DGCR2: variants seen among roughly 807,000 people sequenced by gnomAD.
The protein encoded by DGCR2 is DiGeorge syndrome critical region gene 2, also known as integral membrane protein DGCR2/IDD.
DGCR2 carries 24 observed loss-of-function variants against 51.6 expected under a neutral mutation model. The ratio of observed to expected loss-of-function variants is 0.47; its 90% CI spans 0.34 to 0.65. The LOEUF (loss-of-function observed/expected upper bound fraction) is 0.65. DGCR2 is among the 30% of genes least tolerant of loss of function. The pLI is 0.01. For synonymous variants in DGCR2, 340 were observed against 315.4 expected (o/e 1.08, Z -0.82); for missense variants, 765 against 772.1 (o/e 0.99, Z 0.11).
rs377591178 is a variant in DGCR2, at chr22:19,082,848, G to A, written c.202+6520C>T. ...ATGCCCCCGTAATCCAGGCACTCTG[G>A]GAAGCCGAAGCAGGCAGACTGCTTA... On this transcript the variant is annotated intron_variant, in intron 2 of 9. Transcript: ENST00000263196. Among the ~76,000 whole-genome samples, 34 of 152,286 alleles carry A rather than the reference G, an allele frequency of 2.2e-4. No homozygotes were observed. The East Asian group carries it at 6.0e-3, about 27-fold the overall frequency.
At chr22:19,102,423 C>T (rs1414006857) in intron 1 of DGCR2, among the ~76,000 whole-genome samples, 2 of 152,148 alleles carry the variant, frequency 1.3e-5, no homozygotes, top group Non-Finnish European at 2.9e-5. Flanking sequence ...TAAAATGGGG[C>T]CGGGCGTGGT....
At chr22:19,120,162 C>T (rs1196743608) in intron 1 of DGCR2, among the ~76,000 whole-genome samples, 1 of 152,206 alleles carries the variant, frequency 6.6e-6, no homozygotes, top group Non-Finnish European at 1.5e-5. Context: ...CTGCAGCTCC[C>T]GGGTTCTGCA....
At chr22:19,052,705 T>A (rs1451947790) in intron 6 of DGCR2, among the ~76,000 whole-genome samples, 1 of 151,562 alleles carries the variant, frequency 6.6e-6, no homozygotes, top group Non-Finnish European at 1.5e-5. Flanking sequence ...CACCTGAGCC[T>A]GGGAGGTTGA....
chr22:19,038,902 C>A lies in DGCR2; in HGVS notation c.1616G>T (p.Gly539Val). 1 of 1,612,766 alleles carries A rather than the reference C, an allele frequency of 6.2e-7. No individual in the cohort carries two copies. The highest frequency in any genetic ancestry group is 8.5e-7 in the Non-Finnish European group (1 of 1,179,866). Residue 539 changes from glycine (G) to valine (V), a missense_variant, in exon 10 of 10, where the codon GGC becomes GTC. By Grantham distance (109) the Gly-to-Val change is moderately radical. Transcript: ENST00000263196. ...TPAAEALPGG[G>V]RHSRSSLNTV... ...ATTGAGGGAGCTGCGGCTGTGGCGG[C>A]CACCCCCTGGCAGTGCCTCTGCAGC... is the stretch of plus-strand genomic sequence containing the variant.
chr22:19,038,677 G>A lies in DGCR2; in HGVS notation c.*188C>T, dbSNP rs558980702. On this transcript the variant is annotated 3_prime_UTR_variant, in exon 10 of 10. Coordinates refer to ENST00000263196, the MANE Select transcript of DGCR2 (RefSeq NM_005137.3). ...GTTTCTGAAGCCCTCAAGGAAGCTC[G>A]GTGCAGGCCATCACTTCTTTTGGCA... is the stretch of plus-strand genomic sequence containing the variant. 37 of 704,168 alleles carry A rather than the reference G, an allele frequency of 5.3e-5. No homozygotes were observed. The highest frequency in any genetic ancestry group is 1.7e-4 in the East Asian group (6 of 35,720). The allele number at this position is 704,168 out of a possible 1,614,324, so 43.6% of individuals were successfully genotyped here.
intron 2 of DGCR2, among the ~76,000 whole-genome samples, chr22:19,085,786 C>T (rs879449561): frequency 1.3e-5 from 2 of 152,084 alleles, no homozygotes; most frequent in African/African-American, 4.8e-5. Context: ...AATGAAGTAA[C>T]CCCATAAGGT....
At position 19,038,852 on chromosome 22, in the gene DGCR2, C is replaced by G. The variant is rs577739715; in HGVS notation, c.*13G>C. On this transcript the variant is annotated 3_prime_UTR_variant, in exon 10 of 10. Coordinates refer to ENST00000263196, the MANE Select transcript of DGCR2 (RefSeq NM_005137.3). Reference sequence around the variant, plus strand: ...CAGGTGCTCCCAGACCGTTGGGGTACAGGCCAGGCCGTCTACACCACAGTA... The same window carrying G: ...CAGGTGCTCCCAGACCGTTGGGGTAGAGGCCAGGCCGTCTACACCACAGTA... 1 of 1,609,524 alleles carries G rather than the reference C, an allele frequency of 6.2e-7. No homozygotes were observed. Among genetic ancestry groups the G allele is most frequent in the African/African-American group, 1.3e-5 (1 of 74,990 alleles).
At chr22:19,050,006 A>ACATAAGTACACC (rs1489779263) in intron 6 of DGCR2, among the ~76,000 whole-genome samples, 2 of 152,206 alleles carry the variant, frequency 1.3e-5, no homozygotes, top group African/African-American at 4.8e-5. Context: ...AACATATGTG[A>ACATAAGTACACC]AACAGGAGTA....
At chr22:19,116,716 G>A (rs952973171) in intron 1 of DGCR2, among the ~76,000 whole-genome samples, 2 of 152,134 alleles carry the variant, frequency 1.3e-5, no homozygotes, top group Admixed American at 6.5e-5. Context: ...ATTCCACTTA[G>A]AGTCAAGAAA....
At chr22:19,083,515 G>A (rs1351498383) in intron 2 of DGCR2, among the ~76,000 whole-genome samples, 2 of 152,152 alleles carry the variant, frequency 1.3e-5, no homozygotes, top group South Asian at 4.1e-4. Context: ...TGAATCCACA[G>A]AACAATATGA....
At chr22:19,044,581 G>A (rs768542066) in intron 7 of DGCR2, among the ~76,000 whole-genome samples, 1 of 152,180 alleles carries the variant, frequency 6.6e-6, no homozygotes, top group East Asian at 1.9e-4. Context: ...AGGGCTGCCC[G>A]ACAGCAGCAG....
chr22:19,121,192 G>T (rs189316434), intron 1 of DGCR2, among the ~76,000 whole-genome samples: 98 of 152,296 alleles, frequency 6.4e-4, no homozygotes, highest in African/African-American at 2.2e-3. Flanking sequence ...CCTCCATTAA[G>T]AAATATTAAG....
intron 1 of DGCR2, among the ~76,000 whole-genome samples, chr22:19,114,526 C>T (rs2083353476): frequency 6.6e-6 from 1 of 152,240 alleles, no homozygotes; most frequent in Non-Finnish European, 1.5e-5. Context: ...TCCTCTTATT[C>T]TAAGACCATA....
intron 1 of DGCR2, among the ~76,000 whole-genome samples, chr22:19,118,427 G>C (rs989935710): frequency 3.3e-5 from 5 of 150,030 alleles, no homozygotes; most frequent in African/African-American, 1.2e-4. Context: ...CCAAGGTGCT[G>C]TGTTCACTTC....
intron 7 of DGCR2, among the ~76,000 whole-genome samples, chr22:19,043,284 C>G (rs182743003): frequency 2.0e-5 from 3 of 152,228 alleles, no homozygotes; most frequent in Non-Finnish European, 4.4e-5. Flanking sequence ...TCCAGGACAG[C>G]CCCCAACACA....
intron 5 of DGCR2, among the ~76,000 whole-genome samples, chr22:19,058,137 A>G (rs1209263116): frequency 6.6e-6 from 1 of 152,170 alleles, no homozygotes; most frequent in Non-Finnish European, 1.5e-5. Flanking sequence ...CCCAGCACGA[A>G]ACATGGGGCT....
chr22:19,052,410 T>A (rs1171333165), intron 6 of DGCR2, among the ~76,000 whole-genome samples: 1 of 120,300 alleles, frequency 8.3e-6, no homozygotes, highest in African/African-American at 3.4e-5. Context: ...AGAAAGACTC[T>A]GTCTCACACA....
At chr22:19,114,132 T>C (rs1601314848) in intron 1 of DGCR2, among the ~76,000 whole-genome samples, 1 of 138,454 alleles carries the variant, frequency 7.2e-6, no homozygotes, top group Non-Finnish European at 1.5e-5. Flanking sequence ...ACCTTTCCTC[T>C]CCATCTTTTG....
chr22:19,052,444 GA>G (rs1277017982), intron 6 of DGCR2, among the ~76,000 whole-genome samples: 9 of 67,238 alleles, frequency 1.3e-4, no homozygotes, highest in African/African-American at 2.3e-4. Context: ...ACACACAAAA[GA>G]AAAAAAGAAA....
Sources: allele counts gnomAD v4.1 joint callset (sites outside exome capture counted in the v4.1 genomes callset), GRCh38; gene constraint gnomAD v4.1.1; transcripts MANE v1.5; gene names NCBI Gene and HGNC (gene_info 2026-07-23, HGNC 2026-07-21).